Variants in MIOS observed in about 807,000 individuals in gnomAD.
MIOS encodes meiosis regulator for oocyte development, also known as GATOR2 complex protein MIOS.
A neutral mutation model predicts 96.9 loss-of-function variants in MIOS; 52 were observed. The observed-to-expected ratio is 0.54, with a 90% confidence interval of 0.43 to 0.68. The LOEUF (loss-of-function observed/expected upper bound fraction) is 0.68. Among genes scored for constraint, MIOS ranks in the 30% least tolerant of loss-of-function variants. MIOS has a pLI of 0.00. For missense variants in MIOS, 1,005 were observed against 1,052.8 expected (o/e 0.95, Z 0.63); for synonymous variants, 397 against 359.5 (o/e 1.10, Z -1.18).
chr7:7,574,773 C>CA (rs957275044), intron 5 of MIOS, among the ~76,000 whole-genome samples: 3 of 148,540 alleles, frequency 2.0e-5, no homozygotes, highest in Non-Finnish European at 4.5e-5. Context: ...ATAAAAGTGA[C>CA]AAAAACCAAA....
intron 11 of MIOS, chr7:7,605,196 G>GT: frequency 6.6e-6 from 1 of 152,046 alleles, no homozygotes; most frequent in Non-Finnish European, 1.5e-5. Context: ...TTAAGCAATT[G>GT]TTTAAGTTAC....
Position 7,605,973 on chromosome 7 carries a change from G to C in MIOS, c.2433G>C (p.Leu811Phe), listed in dbSNP as rs1784519318. 1.2e-6 allele frequency: 2 copies of C among 1,613,742 alleles called. No homozygotes were observed. Among genetic ancestry groups the C allele is most frequent in the Non-Finnish European group, 1.7e-6 (2 of 1,179,772 alleles). Residue 811 changes from leucine (L) to phenylalanine (F), a missense_variant, in exon 12 of 13, where the codon TTG (leucine) becomes TTC (phenylalanine). By Grantham distance (22) the Leu-to-Phe change is conservative. Around this residue, in one of 3 missense-constraint regions of MIOS, gnomAD observed 865 missense variants for 887.9 expected, o/e 0.97. Transcript: ENST00000340080. ...GGTKSDEKVD[L>F]SKDKKLAQFN... The stretch of plus-strand genomic sequence containing the variant: ...CCAAATCAGATGAAAAAGTGGACTT[G>C]AGCAAGGACAAAAAATTAGCCCAAT...
At chr7:7,587,221 A>G (rs1222871784) in intron 7 of MIOS, among the ~76,000 whole-genome samples, 2 of 151,732 alleles carry the variant, frequency 1.3e-5, no homozygotes, top group Admixed American at 6.6e-5. Context: ...TGTTGGCCAG[A>G]AATATCAATT....
In MIOS at chr7:7,608,631, C is replaced by T. The variant is rs376003743; in HGVS notation, c.*1539C>T. ...CATTTGAGTAAATCTTAATTGATTTCATTTTATTAACATATACCCTTTACC... is the reference window on the plus strand; with the variant it reads ...CATTTGAGTAAATCTTAATTGATTTTATTTTATTAACATATACCCTTTACC... On this transcript the variant is annotated 3_prime_UTR_variant, in exon 13 of 13. Coordinates refer to ENST00000340080, the MANE Select transcript of MIOS (RefSeq NM_019005.4). 58 of 151,940 alleles carry T rather than the reference C, an allele frequency of 3.8e-4. 1 individual carries two copies. In the East Asian group the frequency reaches 8.1e-3, roughly 21 times the overall value. The allele number at this position is 151,940 out of a possible 1,614,324, so 9.4% of individuals were successfully genotyped here. A position where few individuals can be genotyped will look rare whatever the true frequency, so the allele number is the denominator to read the frequency against.
At chr7:7,599,955 G>A (rs917853961) in intron 11 of MIOS, among the ~76,000 whole-genome samples, 2 of 152,012 alleles carry the variant, frequency 1.3e-5, no homozygotes. Flanking sequence ...CATGTTATAA[G>A]TAGGAGCTAA....
chr7:7,582,911 G>T (rs1390027605), intron 5 of MIOS: 4 of 552,052 alleles, frequency 7.2e-6, no homozygotes, highest in Non-Finnish European at 1.2e-5. Flanking sequence ...TCTTATTTCA[G>T]TAGTTCTTTG....
chr7:7,595,799 A>G (rs893449312), intron 10 of MIOS, among the ~76,000 whole-genome samples: 3 of 152,222 alleles, frequency 2.0e-5, no homozygotes, highest in Non-Finnish European at 2.9e-5. Flanking sequence ...CAAAATGAAC[A>G]GCTTCTATTG....
intron 9 of MIOS, 64 bp from the exon 10 acceptor site, chr7:7,594,916 C>T: frequency 7.6e-6 from 10 of 1,312,638 alleles, no homozygotes; most frequent in Non-Finnish European, 1.0e-5. Context: ...TACATGCTAC[C>T]CAGAAGTCTC....
chr7:7,605,967 G>C lies in MIOS; in HGVS notation c.2427G>C (p.Val809=). The change falls in exon 12 of 13, where the codon GTG becomes GTC. Residue 809 remains valine, a synonymous_variant. Coordinates refer to ENST00000340080, the MANE Select transcript of MIOS (RefSeq NM_019005.4). ...CPGGTKSDEK[V]DLSKDKKLAQ... ...GAGGAACCAAATCAGATGAAAAAGT[G>C]GACTTGAGCAAGGACAAAAAATTAG... 1 of 1,613,572 alleles carries C rather than the reference G, an allele frequency of 6.2e-7. No individual in the cohort carries two copies. Among genetic ancestry groups the C allele is most frequent in the Non-Finnish European group, 8.5e-7 (1 of 1,179,650 alleles).
intron 10 of MIOS, among the ~76,000 whole-genome samples, chr7:7,595,963 A>C (rs1340007390): frequency 6.6e-6 from 1 of 152,176 alleles, no homozygotes; most frequent in Non-Finnish European, 1.5e-5. Flanking sequence ...GTAATGGCCC[A>C]GTGTGAATTC....
rs970194110 is a variant in MIOS, at chr7:7,588,450, A to T, written c.1819-48A>T. The T allele has an allele frequency of 5.6e-6, 7 of 1,253,996 alleles. No homozygotes were observed. The African/African-American group carries it at 9.1e-5, about 16-fold the overall frequency. 77.7% of individuals were successfully genotyped at this position (1,253,996 alleles called of 1,614,324 possible). Reference sequence around the variant, plus strand: ...AACATTCAGTCTCTGCAAAAATTTAAAACCAGTGCGCCTAGAAGTAACTCC... The same window carrying T: ...AACATTCAGTCTCTGCAAAAATTTATAACCAGTGCGCCTAGAAGTAACTCC... On this transcript the variant is annotated intron_variant, in intron 7 of 12. Coordinates refer to ENST00000340080, the MANE Select transcript of MIOS (RefSeq NM_019005.4).
At chr7:7,583,841 GC>G (rs1359822348) in intron 6 of MIOS, among the ~76,000 whole-genome samples, 1 of 152,066 alleles carries the variant, frequency 6.6e-6, no homozygotes, top group Non-Finnish European at 1.5e-5. Context: ...GTTATAAAAA[GC>G]ATACTTTGAT....
rs1784483953 is a variant in MIOS at position 7,604,929 on chromosome 7, CCT to C, written c.2402-1009_2402-1008del. 2.6e-5 allele frequency among the ~76,000 whole-genome samples: 4 copies of C among 151,890 alleles called. No homozygotes were observed. The South Asian group carries it at 8.3e-4, about 31-fold the overall frequency. On this transcript the variant is annotated intron_variant, in intron 11 of 12. Transcript: ENST00000340080. ...TATCTCTTCCCCCTTTCCTTTTTGCCCTCTCATTATTAATTGTTGGTGACCCT... is the reference window on the plus strand; with the variant it reads ...TATCTCTTCCCCCTTTCCTTTTTGCCCTCATTATTAATTGTTGGTGACCCT...
intron 5 of MIOS, among the ~76,000 whole-genome samples, chr7:7,575,893 T>G (rs1268764064): frequency 6.7e-6 from 1 of 150,236 alleles, no homozygotes; most frequent in Admixed American, 6.7e-5. Context: ...TTTTTTTTTG[T>G]TTGGTATAGA....
chr7:7,593,418 A>G (rs1784105555), intron 9 of MIOS, among the ~76,000 whole-genome samples: 3 of 151,828 alleles, frequency 2.0e-5, no homozygotes, highest in South Asian at 4.1e-4. Flanking sequence ...CTTTTTTTTT[A>G]TAAGTAAGAT....
At chr7:7,583,081 T>TGAAATAAAACAATATAAAAATATATTTG in intron 5 of MIOS, 37 bp from the exon 6 acceptor site, 1 of 1,562,016 alleles carries the variant, frequency 6.4e-7, no homozygotes, top group Non-Finnish European at 8.7e-7. Context: ...AAATATATTT[T>TGAAATAAAACAATATAAAAATATATTTG]GAAATAAAAC....
At chr7:7,585,035 G>A (rs1330708413) in intron 6 of MIOS, among the ~76,000 whole-genome samples, 6 of 151,950 alleles carry the variant, frequency 3.9e-5, no homozygotes, top group Non-Finnish European at 8.8e-5. Context: ...ACTTTGCATT[G>A]ACACTTATAT....
intron 3 of MIOS, among the ~76,000 whole-genome samples, chr7:7,569,212 G>A (rs1043678632): frequency 1.3e-5 from 2 of 152,164 alleles, no homozygotes; most frequent in Non-Finnish European, 1.5e-5. Context: ...CTTTGCTGTC[G>A]TAGCTGCTTC....
At position 7,573,346 on chromosome 7, in the gene MIOS, A is replaced by G. The variant is rs767965229; in HGVS notation, c.871A>G (p.Asn291Asp). 14 of 1,613,988 alleles carry G rather than the reference A, an allele frequency of 8.7e-6. No homozygotes were observed. The highest frequency in any genetic ancestry group is 1.1e-5 in the Non-Finnish European group (13 of 1,179,980). The change falls in exon 4 of 13, where the codon AAT becomes GAT. Residue 291 changes from asparagine to aspartate, a missense_variant. Transcript: ENST00000340080. The surrounding 1 kb of genome is among the most constrained non-coding windows in gnomAD (Gnocchi z 5.0). ...ACTTGCCACTTTAACAAGGGATAGT[A>G]ATATTATTAGATTGTATGATATGCA... ...GLLATLTRDS[N>D]IIRLYDMQHT...
Sources: gnomAD v4.1 joint callset for allele counts (sites outside exome capture counted in the v4.1 genomes callset) on GRCh38, gnomAD v4.1.1 for gene constraint, gnomAD v4.1.1 regional missense constraint, Gnocchi (gnomAD v3.1) non-coding constraint, MANE v1.5 for transcripts, NCBI Gene and HGNC (gene_info 2026-07-23, HGNC 2026-07-21) for gene names.